The following WDFY4 variants were observed in gnomAD, a reference collection of about 807,000 sequenced individuals.
The protein encoded by WDFY4 is WDFY family member 4.
WDFY4 carries 169 observed loss-of-function variants against 351.9 expected under a neutral mutation model. The observed-to-expected ratio is 0.48, with a 90% confidence interval of 0.42 to 0.55. The LOEUF (loss-of-function observed/expected upper bound fraction) is 0.55, where lower values mean the gene tolerates loss of function less well. WDFY4 is among the 20% of genes least tolerant of loss of function. The pLI is 0.00. For missense variants in WDFY4, 3,803 were observed against 3,935.6 expected (o/e 0.97, Z 0.90); for synonymous variants, 1,622 against 1,574.6 (o/e 1.03, Z -0.71).
At chr10:48,721,232 T>C (rs2064078454) in intron 3 of WDFY4, 29 bp from the exon 4 acceptor site, 2 of 1,543,970 alleles carry the variant, frequency 1.3e-6, no homozygotes, top group Non-Finnish European at 1.8e-6. Flanking sequence ...CAGGTCGCTG[T>C]ATGCCCTGCT....
intron 1 of WDFY4, among the ~76,000 whole-genome samples, chr10:48,685,719 G>T (rs1048353322): frequency 8.6e-5 from 13 of 151,954 alleles, no homozygotes; most frequent in Admixed American, 7.2e-4. Context: ...AGTGTGGGGG[G>T]GCTGGTTTGA....
intron 51 of WDFY4, among the ~76,000 whole-genome samples, chr10:48,949,161 G>T (rs895706130): frequency 2.6e-5 from 4 of 152,122 alleles, no homozygotes; most frequent in Non-Finnish European, 5.9e-5. Context: ...TGAGTTTTGG[G>T]GCTCAGATCT....
chr10:48,854,321 C>T (rs2069061641), intron 39 of WDFY4, among the ~76,000 whole-genome samples: 1 of 152,132 alleles, frequency 6.6e-6, no homozygotes, highest in African/African-American at 2.4e-5. Context: ...GTTGCCCAGG[C>T]TGGTCTCAAA....
intron 24 of WDFY4, among the ~76,000 whole-genome samples, chr10:48,798,627 A>T (rs2066953217): frequency 6.6e-6 from 1 of 152,214 alleles, no homozygotes; most frequent in Non-Finnish European, 1.5e-5. Context: ...AAGTAAAGTG[A>T]GTCACTGGTT....
At chr10:48,962,703 G>A (rs1465856609) in intron 53 of WDFY4, among the ~76,000 whole-genome samples, 3 of 152,192 alleles carry the variant, frequency 2.0e-5, no homozygotes, top group African/African-American at 4.8e-5. Flanking sequence ...CTTCTGGTGG[G>A]AGCTGTGGTC....
chr10:48,882,824 C>T (rs988466107), intron 43 of WDFY4, among the ~76,000 whole-genome samples: 1 of 152,186 alleles, frequency 6.6e-6, no homozygotes, highest in African/African-American at 2.4e-5. Flanking sequence ...TCCCTCTAGC[C>T]CACACTTCCA....
chr10:48,809,216 A>T (rs534354745), intron 28 of WDFY4, among the ~76,000 whole-genome samples: 1 of 151,706 alleles, frequency 6.6e-6, no homozygotes, highest in East Asian at 1.9e-4. Context: ...CACCACCATC[A>T]TCACCACCAC....
chr10:48,823,317 G>T (rs2067891050), intron 35 of WDFY4: 4 of 1,283,344 alleles, frequency 3.1e-6, no homozygotes, highest in Non-Finnish European at 4.1e-6. Flanking sequence ...TTCTTGGAAA[G>T]AACTTTCTGT....
intron 2 of WDFY4, among the ~76,000 whole-genome samples, chr10:48,718,168 G>T (rs1272352540): frequency 1.3e-5 from 2 of 152,096 alleles, no homozygotes; most frequent in Non-Finnish European, 2.9e-5. Context: ...TTACATAAAT[G>T]ATCTTTTTTT....
At chr10:48,960,433 T>C (rs1841805121) in intron 53 of WDFY4, among the ~76,000 whole-genome samples, 1 of 152,076 alleles carries the variant, frequency 6.6e-6, no homozygotes, top group Admixed American at 6.5e-5. Flanking sequence ...TTGATGAAAA[T>C]GTGGAGCAAC....
chr10:48,947,030 AT>A, intron 51 of WDFY4, 61 bp downstream of exon 51: 4 of 1,304,326 alleles, frequency 3.1e-6, no homozygotes, highest in Non-Finnish European at 4.3e-6. Context: ...ATACGCCTGT[AT>A]CACAAGACTA....
chr10:48,828,570 G>A (rs1213512434), intron 36 of WDFY4, among the ~76,000 whole-genome samples: 1 of 152,194 alleles, frequency 6.6e-6, no homozygotes, highest in Non-Finnish European at 1.5e-5. Flanking sequence ...TAAGGAGAAA[G>A]TGTTTCTCCT....
chr10:48,776,057 GGAAGCAGAGA>G, intron 15 of WDFY4, among the ~76,000 whole-genome samples: 1 of 152,298 alleles, frequency 6.6e-6, no homozygotes, highest in South Asian at 2.1e-4. Flanking sequence ...TCCAGATCAT[GGAAGCAGAGA>G]CAGAGTTTCC....
chr10:48,972,814 C>T (rs1842393674), intron 57 of WDFY4, among the ~76,000 whole-genome samples: 1 of 152,162 alleles, frequency 6.6e-6, no homozygotes. Flanking sequence ...GCAATGTAAC[C>T]AGCATGGGGA....
rs12251201 is a variant in WDFY4 at position 48,895,965 on chromosome 10, C to A, written c.7317-1489C>A. 7.2e-3 allele frequency among the ~76,000 whole-genome samples: 1,098 copies of A among 152,330 alleles called. 10 individuals carry two copies. Among genetic ancestry groups the A allele is most frequent in the African/African-American group, 0.025 (1,041 of 41,590 alleles). On this transcript the variant is annotated intron_variant, in intron 44 of 61. Transcript: ENST00000325239. ...GCCTTTTCAGTGAGTTCCTTATCAC[C>A]TCTCCAAGATTGCTTCTCACTGCTC... is the stretch of plus-strand genomic sequence containing the variant.
At chr10:48,884,975 G>A (rs776991509) in intron 43 of WDFY4, among the ~76,000 whole-genome samples, 3 of 152,164 alleles carry the variant, frequency 2.0e-5, no homozygotes, top group Admixed American at 2.0e-4. Flanking sequence ...AGGGAGTGGG[G>A]CATATGCTAA....
chr10:48,972,274 A>G (rs1415507010), intron 57 of WDFY4, among the ~76,000 whole-genome samples: 1 of 152,222 alleles, frequency 6.6e-6, no homozygotes, highest in Non-Finnish European at 1.5e-5. Context: ...AGAGCCTCAC[A>G]GGCGGTTCAA....
At chr10:48,783,406 TG>T (rs1055671992) in intron 19 of WDFY4, among the ~76,000 whole-genome samples, 6 of 152,128 alleles carry the variant, frequency 3.9e-5, no homozygotes, top group African/African-American at 1.4e-4. Flanking sequence ...GAGCCAAAGT[TG>T]ATTGAATCCA....
intron 3 of WDFY4, 37 bp from the exon 4 acceptor site, chr10:48,721,224 G>C (rs1403525412): frequency 1.3e-6 from 2 of 1,542,900 alleles, no homozygotes; most frequent in Admixed American, 2.0e-5. Flanking sequence ...TGAGTGGGCA[G>C]GTCGCTGTAT....
Sources: gnomAD v4.1 joint callset for allele counts (sites outside exome capture counted in the v4.1 genomes callset) on GRCh38, gnomAD v4.1.1 for gene constraint, MANE v1.5 for transcripts, NCBI Gene and HGNC (gene_info 2026-07-23, HGNC 2026-07-21) for gene names.